Variants in IQGAP3 observed in about 807,000 individuals in gnomAD.
IQGAP3 encodes the protein ras GTPase-activating-like protein IQGAP3.
IQGAP3 carries 165 observed loss-of-function variants against 208.2 expected under a neutral mutation model. That is an observed-to-expected ratio of 0.79 (90% CI 0.70 to 0.90). IQGAP3 has a LOEUF of 0.90. Among genes scored for constraint, IQGAP3 ranks in the 40% least tolerant of loss-of-function variants. IQGAP3 has a pLI of 0.00. For synonymous variants in IQGAP3, 703 were observed against 803.6 expected (o/e 0.87, Z 2.12); for missense variants, 1,811 against 2,043.1 (o/e 0.89, Z 2.19).
At chr1:156,568,234 A>G (rs1676493169) in intron 2 of IQGAP3, among the ~76,000 whole-genome samples, 1 of 151,934 alleles carries the variant, frequency 6.6e-6, no homozygotes, top group South Asian at 2.1e-4. Flanking sequence ...TTTTTTTTTG[A>G]GACAGAGTCT....
intron 37 of IQGAP3, among the ~76,000 whole-genome samples, chr1:156,527,101 G>A (rs1193639149): frequency 1.3e-5 from 2 of 151,776 alleles, no homozygotes; most frequent in African/African-American, 4.8e-5. Context: ...AAAGTGCTGG[G>A]ATTACAGGCG....
Position 156,540,790 on chromosome 1 carries a change from C to G in IQGAP3, c.2657G>C (p.Arg886Pro), listed in dbSNP as rs367772740. The change falls in exon 23 of 38, where the codon CGA becomes CCA. Residue 886 changes from arginine (R) to proline (P), a missense_variant. Coordinates refer to ENST00000361170, the MANE Select transcript of IQGAP3 (RefSeq NM_178229.5). ...GTCCTGCTCCAGCTGCTGATTGGAT[C>G]GGATCTTCCTAACTACCTCTTCCTG... Reference protein sequence around the residue: ...KLQEEVVRKIRSNQQLEQDLN... With the variant: ...KLQEEVVRKIPSNQQLEQDLN... The G allele has an allele frequency of 1.3e-5, 21 of 1,613,944 alleles. No individual in the cohort carries two copies. The highest frequency in any genetic ancestry group is 1.7e-5 in the Admixed American group (1 of 59,996).
At chr1:156,552,211 G>GTTCTC (rs945055215) in intron 13 of IQGAP3, 116 bp from the exon 14 acceptor site, 3 of 1,277,552 alleles carry the variant, frequency 2.3e-6, no homozygotes, top group Non-Finnish European at 3.2e-6. Flanking sequence ...CACTCTTTTA[G>GTTCTC]TTCTCTTCTT....
chr1:156,526,202 A>G lies in IQGAP3; in HGVS notation c.*284T>C. The G allele has an allele frequency of 2.7e-6, 1 of 376,228 alleles. No homozygotes were observed. Among genetic ancestry groups the G allele is most frequent in the Non-Finnish European group, 5.0e-6 (1 of 201,210 alleles). The allele number at this position is 376,228 out of a possible 1,614,324, so 23.3% of individuals were successfully genotyped here. ...CAGACACAAGAGTAATGGCTTTCCC[A>G]GGTCAAGGTCCATGTCCTACCATCT... On this transcript the variant is annotated 3_prime_UTR_variant, in exon 38 of 38. Transcript: ENST00000361170.
chr1:156,534,762 T>A, intron 28 of IQGAP3, 29 bp from the exon 29 acceptor site: 1 of 1,451,730 alleles, frequency 6.9e-7, no homozygotes. Context: ...CTCCCAGAAG[T>A]GTCCAGGGGC....
At chr1:156,567,611 T>TA (rs1376554412) in intron 2 of IQGAP3, among the ~76,000 whole-genome samples, 1 of 152,234 alleles carries the variant, frequency 6.6e-6, no homozygotes. Flanking sequence ...TATTGGGGTC[T>TA]AATTGGAAAG....
At chr1:156,532,881 C>A (rs1674478344) in intron 32 of IQGAP3, 99 bp downstream of exon 32, 1 of 1,322,518 alleles carries the variant, frequency 7.6e-7, no homozygotes, top group African/African-American at 1.4e-5. Context: ...TAAGGGAGCC[C>A]AGGAAGAAGG....
At position 156,533,079 on chromosome 1, in the gene IQGAP3, G is replaced by A. The variant is rs775971236; in HGVS notation, c.4004C>T (p.Thr1335Met). 18 of 1,613,864 alleles carry A rather than the reference G, an allele frequency of 1.1e-5. No individual in the cohort carries two copies. Among genetic ancestry groups the A allele is most frequent in the East Asian group, 4.5e-5 (2 of 44,884 alleles). The part of the protein sequence containing the change: ...IGESIAADGH[T>M]DLSKLEVSLT... Reference sequence around the variant, plus strand: ...GGACACTTCTAGCTTGCTCAGGTCCGTGTGCCCATCTGCAGCGATGCTCTC... The same window carrying A: ...GGACACTTCTAGCTTGCTCAGGTCCATGTGCCCATCTGCAGCGATGCTCTC... The change falls in exon 32 of 38, where the codon ACG (threonine) becomes ATG (methionine). Residue 1335 changes from threonine (T) to methionine (M), a missense_variant. By Grantham distance (81) the Thr-to-Met change is moderately conservative. Coordinates refer to ENST00000361170, the MANE Select transcript of IQGAP3 (RefSeq NM_178229.5).
rs776279716 is a variant in IQGAP3 at position 156,528,633 on chromosome 1, G to T, written c.4572-23C>A. 26 of 1,564,818 alleles carry T rather than the reference G, an allele frequency of 1.7e-5. No individual in the cohort carries two copies. In the East Asian group the frequency reaches 2.2e-4, roughly 13 times the overall value. ...CTCCTGATTAAAAGAAGGCCCCAGA[G>T]AATTCATCCAATAAACACTTTACCA... On this transcript the variant is annotated intron_variant, in intron 35 of 37. Coordinates refer to ENST00000361170, the MANE Select transcript of IQGAP3 (RefSeq NM_178229.5).
At chr1:156,571,242 A>G (rs951712063) in intron 1 of IQGAP3, among the ~76,000 whole-genome samples, 14 of 152,156 alleles carry the variant, frequency 9.2e-5, no homozygotes, top group Non-Finnish European at 1.6e-4. Flanking sequence ...TAGAAACACA[A>G]TACAAAATCA....
chr1:156,569,980 C>T (rs1299019348), intron 1 of IQGAP3, among the ~76,000 whole-genome samples: 1 of 152,112 alleles, frequency 6.6e-6, no homozygotes, highest in Non-Finnish European at 1.5e-5. Flanking sequence ...TCTTCCTGTC[C>T]TCTTCCTCCT....
At chr1:156,530,459 C>G (rs1166526727) in intron 33 of IQGAP3, 142 bp from the exon 34 acceptor site, 1 of 663,820 alleles carries the variant, frequency 1.5e-6, no homozygotes, top group Non-Finnish European at 2.6e-6. Context: ...CAGAGCCCAG[C>G]CTCTGCAGGA....
Position 156,563,363 on chromosome 1 carries a change from T to C in IQGAP3, c.620-51A>G, listed in dbSNP as rs371077823. 22 of 1,534,088 alleles carry C rather than the reference T, an allele frequency of 1.4e-5. No individual in the cohort carries two copies. The African/African-American group carries it at 2.9e-4, about 20-fold the overall frequency. The stretch of plus-strand genomic sequence containing the variant: ...CAGGAGGCCAGAGTGAATCCCAGAT[T>C]GGAGCGCAACCAGTAGCAGCCCACT... On this transcript the variant is annotated intron_variant, in intron 7 of 37. Transcript: ENST00000361170.
In IQGAP3 at chr1:156,556,686, G is replaced by A. The variant is rs141039819; in HGVS notation, c.1137C>T (p.His379=). ...TGGCTTTGTTGATCCGCTGCACAGCGTGGAGCACTGCAAGGCAGGAGAGCA... is the reference window on the plus strand; with the variant it reads ...TGGCTTTGTTGATCCGCTGCACAGCATGGAGCACTGCAAGGCAGGAGAGCA... ...TKGDQEQAML[H]AVQRINKAIR... The change falls in exon 12 of 38, where the codon CAC becomes CAT. Residue 379 remains histidine (H), a synonymous_variant. Transcript: ENST00000361170. 7.0e-6 allele frequency: 11 copies of A among 1,572,880 alleles called. No individual in the cohort carries two copies. The highest frequency in any genetic ancestry group is 4.1e-5 in the African/African-American group (3 of 73,982).
Position 156,528,525 on chromosome 1 carries a change from C to A in IQGAP3, c.4657G>T (p.Asp1553Tyr), listed in dbSNP as rs1342756599. 6.2e-7 allele frequency: 1 copy of A among 1,613,680 alleles called. No homozygotes were observed. Among genetic ancestry groups the A allele is most frequent in the Non-Finnish European group, 8.5e-7 (1 of 1,179,656 alleles). The change falls in exon 36 of 38, where the codon GAT becomes TAT. Residue 1553 changes from aspartate to tyrosine, a missense_variant. By Grantham distance (160) the Asp-to-Tyr change is radical. Transcript: ENST00000361170. ...GACACATACTGAGAGGCGGGAAGAT[C>A]TTCAATTTCCACCAAGACACCCTTT... The part of the protein sequence containing the change: ...LEKGVLVEIE[D>Y]LPASHFRNVI...
In IQGAP3 at chr1:156,533,304, C is replaced by T. The variant is rs557478983; in HGVS notation, c.3977-198G>A. The stretch of plus-strand genomic sequence containing the variant: ...CTTAGCACCGATGGAAGGGCTGTTA[C>T]CCACAGAGCATACCCTTGTGTTACT... On this transcript the variant is annotated intron_variant, in intron 31 of 37. Coordinates refer to ENST00000361170, the MANE Select transcript of IQGAP3 (RefSeq NM_178229.5). Among the ~76,000 whole-genome samples, 10 of 152,272 alleles carry T rather than the reference C, an allele frequency of 6.6e-5. No individual in the cohort carries two copies. In the East Asian group the frequency reaches 1.9e-3, roughly 29 times the overall value.
Position 156,534,605 on chromosome 1 carries a change from C to A in IQGAP3, c.3636G>T (p.Val1212=), listed in dbSNP as rs1674597650. The change falls in exon 29 of 38, where the codon GTG becomes GTT. Residue 1212 remains valine, a synonymous_variant. Transcript: ENST00000361170. The part of the protein sequence containing the change: ...AAPQRHALGA[V]AQLLQHAAAG... ...CCGCAGCGTGCTGTAGGAGCTGAGC[C>A]ACAGCCCCCAGGGCATGGCGCTGGG... is the stretch of plus-strand genomic sequence containing the variant. The A allele has an allele frequency of 1.2e-6, 2 of 1,612,438 alleles. No homozygotes were observed. The highest frequency in any genetic ancestry group is 2.2e-5 in the East Asian group (1 of 44,882).
intron 4 of IQGAP3, 89 bp downstream of exon 4, chr1:156,565,938 C>A: frequency 1.0e-6 from 1 of 980,006 alleles, no homozygotes; most frequent in Non-Finnish European, 1.6e-6. Context: ...GGAAATAGGG[C>A]TAAAGGGTCC....
chr1:156,526,674 C>T (rs1002188704), intron 37 of IQGAP3, 75 bp from the exon 38 acceptor site: 1 of 992,492 alleles, frequency 1.0e-6, no homozygotes, highest in Admixed American at 1.8e-5. Flanking sequence ...ACAAAACACT[C>T]ACATCATGGG....
Sources: gnomAD v4.1 joint callset for allele counts (sites outside exome capture counted in the v4.1 genomes callset) on GRCh38, gnomAD v4.1.1 for gene constraint, MANE v1.5 for transcripts, NCBI Gene and HGNC (gene_info 2026-07-23, HGNC 2026-07-21) for gene names.